Variants in UGGT2 observed in about 807,000 individuals in gnomAD.
UGGT2 encodes UDP-glucose:glycoprotein glucosyltransferase 2.
In UGGT2, 180 loss-of-function variants were observed where a neutral mutation model predicts 192.1. The ratio of observed to expected loss-of-function variants is 0.94; its 90% CI spans 0.83 to 1.06. The LOEUF is 1.06. UGGT2 is among the 50% of genes least tolerant of loss of function. The pLI is 0.00. For missense variants in UGGT2, 1,849 were observed against 1,795.7 expected, an observed-to-expected ratio of 1.03 and a Z score of -0.54; for synonymous variants, 580 against 591.0, an observed-to-expected ratio of 0.98 and a Z score of 0.27.
rs1375582806 is a variant in UGGT2 at position 95,890,913 on chromosome 13, A to G, written c.2907T>C (p.Ala969=). 1 of 1,612,960 alleles carries G rather than the reference A, an allele frequency of 6.2e-7. No individual in the cohort carries two copies. Among genetic ancestry groups the G allele is most frequent in the Non-Finnish European group, 8.5e-7 (1 of 1,179,444 alleles). Reference sequence around the variant, plus strand: ...CTTCTCTTGTTAATGGATCAACAATAGCAATGACATTGAAGAACATATCAT... The same window carrying G: ...CTTCTCTTGTTAATGGATCAACAATGGCAATGACATTGAAGAACATATCAT... ...QENDMFFNVI[A]IVDPLTREAQ... is the part of the protein sequence containing the mutation. The change falls in exon 25 of 39, where the codon GCT becomes GCC. Residue 969 remains alanine (A), a synonymous_variant. Transcript: ENST00000376747.
intron 29 of UGGT2, among the ~76,000 whole-genome samples, chr13:95,873,611 C>T (rs1292917643): frequency 1.3e-5 from 2 of 152,204 alleles, no homozygotes; most frequent in Non-Finnish European, 2.9e-5. Flanking sequence ...TTCTCTCTGC[C>T]TGACTCCTCT....
At chr13:95,993,718 T>C (rs1370201161) in intron 7 of UGGT2, among the ~76,000 whole-genome samples, 1 of 152,198 alleles carries the variant, frequency 6.6e-6, no homozygotes, top group Non-Finnish European at 1.5e-5. Context: ...CCTTACTGTC[T>C]ATAGTTATCT....
In UGGT2 at chr13:95,842,481, C is replaced by A. The variant is rs566042717; in HGVS notation, c.4285-5279G>T. 1.7e-3 allele frequency among the ~76,000 whole-genome samples: 263 copies of A among 152,204 alleles called. 2 individuals are homozygous for A. The highest frequency in any genetic ancestry group is 3.7e-3 in the Admixed American group (57 of 15,284). On this transcript the variant is annotated intron_variant, in intron 36 of 38. Coordinates refer to ENST00000376747, the MANE Select transcript of UGGT2 (RefSeq NM_020121.4). ...ATCTTTTTATCTATTCTCCTCTTGA[C>A]AGATATTTGCAGTAGGCAGTTTCTG...
chr13:95,904,984 C>T (rs1394035023), intron 20 of UGGT2, among the ~76,000 whole-genome samples: 22 of 151,818 alleles, frequency 1.4e-4, no homozygotes, highest in Non-Finnish European at 2.8e-4. Context: ...TAATGATCGC[C>T]ATTCTAACTG....
At chr13:96,005,107 T>C (rs986553606) in intron 5 of UGGT2, among the ~76,000 whole-genome samples, 1 of 152,224 alleles carries the variant, frequency 6.6e-6, no homozygotes, top group East Asian at 1.9e-4. Flanking sequence ...AAATGTTAGC[T>C]GTCAATTCTG....
intron 12 of UGGT2, among the ~76,000 whole-genome samples, chr13:95,965,863 A>C (rs1224634046): frequency 6.6e-6 from 1 of 152,182 alleles, no homozygotes; most frequent in African/African-American, 2.4e-5. Flanking sequence ...CCCCAGTTAG[A>C]ATGGCTATCA....
intron 21 of UGGT2, among the ~76,000 whole-genome samples, chr13:95,901,640 T>C (rs1221323274): frequency 6.6e-6 from 1 of 152,206 alleles, no homozygotes; most frequent in Non-Finnish European, 1.5e-5. Flanking sequence ...GAAAATGTTT[T>C]CCTGCATTGT....
At chr13:95,986,517 T>C in intron 8 of UGGT2, 85 bp from the exon 9 acceptor site, 1 of 976,398 alleles carries the variant, frequency 1.0e-6, no homozygotes, top group Admixed American at 2.6e-5. Context: ...CTTGACTCAA[T>C]TCTTCTTGCC....
At chr13:95,977,973 A>T (rs1161016069) in intron 10 of UGGT2, among the ~76,000 whole-genome samples, 2 of 152,154 alleles carry the variant, frequency 1.3e-5, no homozygotes, top group East Asian at 1.9e-4. Flanking sequence ...GTTCTCACTC[A>T]TAAGTGGGAG....
At chr13:95,994,587 G>A (rs985493073) in intron 7 of UGGT2, among the ~76,000 whole-genome samples, 5 of 151,384 alleles carry the variant, frequency 3.3e-5, no homozygotes, top group Non-Finnish European at 5.9e-5. Context: ...TATATTCCAT[G>A]AATTGTTAAA....
At chr13:95,915,911 G>C (rs1245610380) in intron 20 of UGGT2, among the ~76,000 whole-genome samples, 1 of 152,194 alleles carries the variant, frequency 6.6e-6, no homozygotes. Flanking sequence ...TCCTGAGACA[G>C]AGTTCCCAGT....
chr13:95,842,411 T>A (rs1328429980), intron 36 of UGGT2, among the ~76,000 whole-genome samples: 2 of 152,204 alleles, frequency 1.3e-5, no homozygotes, highest in African/African-American at 2.4e-5. Flanking sequence ...AAATAATTCA[T>A]TCCTTTTTAC....
intron 2 of UGGT2, among the ~76,000 whole-genome samples, chr13:96,031,126 G>C (rs557371572): frequency 6.6e-6 from 1 of 152,242 alleles, no homozygotes; most frequent in African/African-American, 2.4e-5. Flanking sequence ...TTGATAACAG[G>C]GGAGGCTATT....
intron 36 of UGGT2, among the ~76,000 whole-genome samples, chr13:95,852,424 T>C (rs766267138): frequency 5.9e-5 from 9 of 152,202 alleles, no homozygotes; most frequent in Non-Finnish European, 1.0e-4. Flanking sequence ...AATTTATACC[T>C]GCAAGCCCCA....
At chr13:95,805,152 A>G (rs1566529570) in intron 38 of UGGT2, among the ~76,000 whole-genome samples, 1 of 152,186 alleles carries the variant, frequency 6.6e-6, no homozygotes. Flanking sequence ...TTCTTCAAAG[A>G]TGATATACAA....
chr13:95,970,295 G>T, intron 11 of UGGT2, 33 bp from the exon 12 acceptor site: 1 of 1,551,052 alleles, frequency 6.4e-7, no homozygotes, highest in South Asian at 1.2e-5. Flanking sequence ...GTTTTATTTT[G>T]ATTTTCCAAA....
At chr13:95,997,173 T>G (rs2140919510) in intron 6 of UGGT2, among the ~76,000 whole-genome samples, 1 of 152,300 alleles carries the variant, frequency 6.6e-6, no homozygotes, top group African/African-American at 2.4e-5. Context: ...AAACATTTAT[T>G]GACTGCTTAC....
chr13:95,947,283 T>C (rs1389340884), intron 14 of UGGT2, 111 bp from the exon 15 acceptor site: 1 of 1,148,340 alleles, frequency 8.7e-7, no homozygotes, highest in Non-Finnish European at 1.2e-6. Context: ...AATGTATTAA[T>C]AGACAGAGAA....
Position 95,937,022 on chromosome 13 carries a change from G to T in UGGT2, c.1879C>A (p.Pro627Thr). 1 of 1,606,806 alleles carries T rather than the reference G, an allele frequency of 6.2e-7. No homozygotes were observed. Reference sequence around the variant, plus strand: ...ATATTCATCTCTTCATGTTTAAAGGGTTCACCATTATAAAGAGCTTGAGGC... The same window carrying T: ...ATATTCATCTCTTCATGTTTAAAGGTTTCACCATTATAAAGAGCTTGAGGC... ...PLPQALYNGE[P>T]FKHEEMNIKE... The change falls in exon 17 of 39, where the codon CCC becomes ACC. Residue 627 changes from proline to threonine, a missense_variant. Transcript: ENST00000376747.
Sources: gnomAD v4.1 joint callset for allele counts (sites outside exome capture counted in the v4.1 genomes callset) on GRCh38, gnomAD v4.1.1 for gene constraint, MANE v1.5 for transcripts, NCBI Gene and HGNC (gene_info 2026-07-23, HGNC 2026-07-21) for gene names.